The following GDPD1 variants were observed in gnomAD, a reference collection of about 807,000 sequenced individuals.
The protein encoded by GDPD1 is glycerophosphodiester phosphodiesterase domain containing 1.
Under a neutral mutation model 45.1 loss-of-function variants are expected in GDPD1, and 28 were observed. The observed-to-expected ratio is 0.62, with a 90% CI of 0.46 to 0.85. GDPD1 has a LOEUF of 0.85. Ranked by LOEUF, GDPD1 falls within the 40% of genes least tolerant of loss-of-function variation. The probability of loss-of-function intolerance (pLI) is 0.00; values close to 1 mark genes in which losing one functional copy is unlikely to be tolerated. For missense variants in GDPD1, 256 were observed against 364.8 expected (o/e 0.70, Z 2.43); for synonymous variants, 139 against 131.4 (o/e 1.06, Z -0.40).
At chr17:59,253,409 G>A (rs1027232644) in intron 4 of GDPD1, among the ~76,000 whole-genome samples, 1 of 151,984 alleles carries the variant, frequency 6.6e-6, no homozygotes, top group African/African-American at 2.4e-5. Context: ...TCGCTATGTT[G>A]GTCAGATTGG....
chr17:59,245,931 G>A (rs2047207471), intron 3 of GDPD1, among the ~76,000 whole-genome samples: 1 of 151,946 alleles, frequency 6.6e-6, no homozygotes, highest in Non-Finnish European at 1.5e-5. Flanking sequence ...GACCAGCCTG[G>A]CCAACATGGT....
At chr17:59,271,689 C>A (rs2047445661) in intron 8 of GDPD1, among the ~76,000 whole-genome samples, 1 of 151,494 alleles carries the variant, frequency 6.6e-6, no homozygotes, top group Admixed American at 6.6e-5. Context: ...GTCGCCCAGG[C>A]TGGAGTGCAG....
intron 6 of GDPD1, chr17:59,260,744 T>C (rs989077175): frequency 1.3e-5 from 2 of 152,194 alleles, no homozygotes; most frequent in Non-Finnish European, 2.9e-5. Context: ...AAGAACTCTT[T>C]GGTGGCTGAT....
intron 6 of GDPD1, among the ~76,000 whole-genome samples, chr17:59,258,352 T>C (rs2047325663): frequency 3.9e-5 from 6 of 152,052 alleles, no homozygotes; most frequent in Admixed American, 3.9e-4. Context: ...GAGACCAACC[T>C]GGCCAATATG....
At chr17:59,248,467 C>T (rs2047229169) in intron 3 of GDPD1, among the ~76,000 whole-genome samples, 1 of 151,590 alleles carries the variant, frequency 6.6e-6, no homozygotes, top group African/African-American at 2.4e-5. Context: ...TGAATTGTGT[C>T]AATGAAAAAT....
chr17:59,236,170 G>C (rs1296592197), intron 2 of GDPD1, among the ~76,000 whole-genome samples: 1 of 151,706 alleles, frequency 6.6e-6, no homozygotes, highest in East Asian at 1.9e-4. Context: ...TTAAAACACT[G>C]GGTTATACAA....
chr17:59,234,386 C>CAAAA, intron 1 of GDPD1, 106 bp from the exon 2 acceptor site: 9 of 551,806 alleles, frequency 1.6e-5, no homozygotes, highest in South Asian at 4.5e-5. Context: ...ATGTCTACCC[C>CAAAA]CAAAAAAAAA....
intron 2 of GDPD1, among the ~76,000 whole-genome samples, chr17:59,243,580 A>C (rs1282503878): frequency 6.6e-6 from 1 of 151,864 alleles, no homozygotes; most frequent in African/African-American, 2.4e-5. Context: ...TCCTGGACCA[A>C]CAGTTCAGTC....
At chr17:59,240,960 C>A (rs2047170952) in intron 2 of GDPD1, among the ~76,000 whole-genome samples, 1 of 152,118 alleles carries the variant, frequency 6.6e-6, no homozygotes, top group Admixed American at 6.6e-5. Context: ...TCTTTTATAT[C>A]ATATTTTAAT....
chr17:59,274,512 C>CAAAAA lies in GDPD1; in HGVS notation c.*759_*763dup, dbSNP rs35411377. 34 of 67,958 alleles carry CAAAAA rather than the reference C, an allele frequency of 5.0e-4. 2 individuals carry two copies. The highest frequency in any genetic ancestry group is 1.5e-3 in the African/African-American group (32 of 21,008). 4.2% of individuals were successfully genotyped at this position (67,958 alleles called of 1,614,324 possible). A position where few individuals can be genotyped will look rare whatever the true frequency, so the allele number is the denominator to read the frequency against. ...TGGGAGACAGAGTGAGACTCCGTCT[C>CAAAAA]AAAAAAAAAAAAAAAAAAAAAAAAT... On this transcript the variant is annotated 3_prime_UTR_variant, in exon 10 of 10. Transcript: ENST00000284116.
rs2047471160 is a variant in GDPD1 at position 59,274,928 on chromosome 17, G to C, written c.*1155G>C. Among the ~76,000 whole-genome samples the C allele has an allele frequency of 6.8e-6, 1 of 148,136 alleles. No homozygotes were observed. Among genetic ancestry groups the C allele is most frequent in the Admixed American group, 6.8e-5 (1 of 14,716 alleles). On this transcript the variant is annotated 3_prime_UTR_variant, in exon 10 of 10. Coordinates refer to ENST00000284116, the MANE Select transcript of GDPD1 (RefSeq NM_182569.4). ...GCGATCTTGGCTCACTGCAACCTCT[G>C]CCTCCCAGGTTCCAGCAATTCTCCT...
At chr17:59,220,790 G>T (rs762479957) in intron 1 of GDPD1, 39 bp downstream of exon 1, 1 of 1,602,484 alleles carries the variant, frequency 6.2e-7, no homozygotes, top group South Asian at 1.1e-5. Flanking sequence ...GGAGGTGGGG[G>T]AGGCTGAGGG....
intron 2 of GDPD1, among the ~76,000 whole-genome samples, chr17:59,238,415 T>A (rs1378005448): frequency 7.8e-6 from 1 of 127,480 alleles, no homozygotes; most frequent in African/African-American, 3.6e-5. Context: ...TATTATTTTT[T>A]ATTTTTTTTT....
chr17:59,245,029 A>G (rs1475675414), intron 2 of GDPD1, among the ~76,000 whole-genome samples: 1 of 152,132 alleles, frequency 6.6e-6, no homozygotes, highest in Non-Finnish European at 1.5e-5. Context: ...AAAAACAAGC[A>G]TCCTTGTCTT....
chr17:59,252,088 G>A (rs1428621794), intron 4 of GDPD1, among the ~76,000 whole-genome samples: 1 of 147,804 alleles, frequency 6.8e-6, no homozygotes, highest in Non-Finnish European at 1.5e-5. Context: ...CTATTCCCTT[G>A]CATAGAATTC....
chr17:59,220,631 T>G lies in GDPD1; in HGVS notation c.22T>G (p.Tyr8Asp). The change falls in exon 1 of 10, where the codon TAC becomes GAC. Residue 8 changes from tyrosine to aspartate, a missense_variant. Coordinates refer to ENST00000284116, the MANE Select transcript of GDPD1 (RefSeq NM_182569.4). The stretch of plus-strand genomic sequence containing the variant: ...TGAGATGTCGTCCACTGCGGCTTTT[T>G]ACCTTCTCTCTACGCTAGGAGGATA... MSSTAAF[Y>D]LLSTLGGYLV... 6.2e-7 allele frequency: 1 copy of G among 1,613,898 alleles called. No homozygotes were observed. The highest frequency in any genetic ancestry group is 8.5e-7 in the Non-Finnish European group (1 of 1,179,890).
At chr17:59,257,090 A>T (rs768091107) in intron 4 of GDPD1, 32 bp from the exon 5 acceptor site, 2 of 1,132,926 alleles carry the variant, frequency 1.8e-6, no homozygotes, top group Non-Finnish European at 1.3e-6. Context: ...ACTTATATTT[A>T]AAAAATACAT....
chr17:59,272,861 T>G (rs780543732), intron 9 of GDPD1, 25 bp downstream of exon 9: 12 of 1,613,926 alleles, frequency 7.4e-6, no homozygotes, highest in Non-Finnish European at 1.0e-5. Context: ...TGATGCATTT[T>G]GGAAGCAGCA....
intron 1 of GDPD1, 106 bp from the exon 2 acceptor site, chr17:59,234,386 C>CA (rs1354865696): frequency 0.068 from 36,572 of 537,164 alleles, 113 homozygotes; most frequent in Middle Eastern, 0.082. Context: ...ATGTCTACCC[C>CA]CAAAAAAAAA....
Sources: gnomAD v4.1 joint callset for allele counts (sites outside exome capture counted in the v4.1 genomes callset) on GRCh38, gnomAD v4.1.1 for gene constraint, MANE v1.5 for transcripts, NCBI Gene and HGNC (gene_info 2026-07-23, HGNC 2026-07-21) for gene names.